The following PYROXD2 variants were observed in gnomAD, a reference collection of about 807,000 sequenced individuals.
The protein encoded by PYROXD2 is pyridine nucleotide-disulfide oxidoreductase domain-containing protein 2.
Under a neutral mutation model 71.1 loss-of-function variants are expected in PYROXD2, and 69 were observed. The observed-to-expected ratio is 0.97, with a 90% confidence interval of 0.80 to 1.19. The LOEUF (loss-of-function observed/expected upper bound fraction) is 1.19, where lower values mean the gene tolerates loss of function less well. PYROXD2 is among the 50% of genes most tolerant of loss of function. The pLI, the probability that PYROXD2 is intolerant of heterozygous loss-of-function variation, is 0.00. For synonymous variants in PYROXD2, 287 were observed against 302.7 expected, an observed-to-expected ratio of 0.95 and a Z score of 0.54; for missense variants, 745 against 748.9, an observed-to-expected ratio of 0.99 and a Z score of 0.06.
intron 14 of PYROXD2, among the ~76,000 whole-genome samples, chr10:98,386,877 G>A (rs2296440): frequency 0.064 from 9,695 of 152,194 alleles, 762 homozygotes; most frequent in African/African-American, 0.18. Context: ...GTCTGAGGAT[G>A]TGCTGCTGCC....
intron 6 of PYROXD2, among the ~76,000 whole-genome samples, chr10:98,395,959 C>T (rs1590951095): frequency 6.6e-6 from 1 of 152,342 alleles, no homozygotes; most frequent in South Asian, 2.1e-4. Context: ...TCTAGCCTTA[C>T]AGCCCCTGGG....
chr10:98,402,805 C>A (rs1374058865), intron 4 of PYROXD2, among the ~76,000 whole-genome samples: 2 of 152,186 alleles, frequency 1.3e-5, no homozygotes, highest in Non-Finnish European at 2.9e-5. Flanking sequence ...TTAGTGTTTT[C>A]ATTGTCTCCC....
rs2296441 is a variant in PYROXD2, at chr10:98,385,025, C to T, written c.1597G>A (p.Ala533Thr). The change falls in exon 15 of 16, where the codon GCC becomes ACC. Residue 533 changes from alanine to threonine, a missense_variant. By Grantham distance (58) the Ala-to-Thr change is moderately conservative. Transcript: ENST00000370575. ...CCAGAATGCAGGGGCACGGGGCGGG[C>T]GAAGTAGAGCTGGTCCAGGGACATG... ...CAMSLDQLYF[A>T]RPVPLHSGYR... 0.33 allele frequency: 524,544 copies of T among 1,613,086 alleles called. 89,731 individuals carry two copies. The highest frequency in any genetic ancestry group is 0.53 in the South Asian group (48,056 of 90,966).
chr10:98,389,933 C>T (rs1842891227), intron 12 of PYROXD2, among the ~76,000 whole-genome samples: 1 of 152,184 alleles, frequency 6.6e-6, no homozygotes, highest in African/African-American at 2.4e-5. Context: ...TTGCCCTATA[C>T]CCTTCTTTCC....
rs1376910894 is a variant in PYROXD2 at position 98,390,610 on chromosome 10, A to T, written c.1280T>A (p.Leu427Gln). 7.5e-6 allele frequency: 12 copies of T among 1,595,226 alleles called. 2 individuals are homozygous for T. In the South Asian group the frequency reaches 1.4e-4, roughly 18 times the overall value. Residue 427 changes from leucine to glutamine, a missense_variant, in exon 12 of 16, where the codon CTG (leucine) becomes CAG (glutamine). Leu to Gln is a moderately radical substitution (Grantham distance 113). Transcript: ENST00000370575. ...CCAGGGCCCCTACCTGTGGGAAGGC[A>T]GGCCATCCATGGCATCTTCAAAGGC... ...HQAFEDAMDG[L>Q]PSHRPVIELC...
At position 98,393,028 on chromosome 10, in the gene PYROXD2, C is replaced by T; in HGVS notation, c.841G>A (p.Gly281Ser). ...GCACCCATGCCCCCCTGGACGTAGC[C>T]CCAGGCCCCCTGCATTCCCTCCAGG... ...GGLEGMQGAWGYVQGGMGALS... is the reference protein window; with the variant it reads ...GGLEGMQGAWSYVQGGMGALS... The change falls in exon 9 of 16, where the codon GGC becomes AGC. Residue 281 changes from glycine to serine, a missense_variant. By Grantham distance (56) the Gly-to-Ser change is moderately conservative (BLOSUM62 0). Transcript: ENST00000370575. 5 of 1,608,212 alleles carry T rather than the reference C, an allele frequency of 3.1e-6. No individual in the cohort carries two copies. The highest frequency in any genetic ancestry group is 4.2e-6 in the Non-Finnish European group (5 of 1,176,494).
At chr10:98,385,410 G>A (rs954302428) in intron 14 of PYROXD2, among the ~76,000 whole-genome samples, 1 of 152,228 alleles carries the variant, frequency 6.6e-6, no homozygotes, top group Non-Finnish European at 1.5e-5. Flanking sequence ...GCGTCTCTGC[G>A]AGAACTCCCT....
In PYROXD2 at chr10:98,397,372, A is replaced by T. The variant is rs1245128138; in HGVS notation, c.598T>A (p.Ser200Thr). The change falls in exon 6 of 16, where the codon TCC (serine) becomes ACC (threonine). Residue 200 changes from serine (S) to threonine (T), a missense_variant. By Grantham distance (58) the Ser-to-Thr change is moderately conservative. Transcript: ENST00000370575. ...GCCTTCAGCAGGGGCTTGAGGGTGG[A>T]GAGCGACCTCATCCTTTGCAGCAAG... ...GSLLQRMRSL[S>T]TLKPLLKAGR... The T allele has an allele frequency of 1.2e-6, 2 of 1,609,664 alleles. No homozygotes were observed. The highest frequency in any genetic ancestry group is 2.7e-5 in the African/African-American group (2 of 74,988).
Position 98,407,663 on chromosome 10 carries a change from C to T in PYROXD2, c.242-8G>A, listed in dbSNP as rs201079830. On this transcript the variant is annotated splice_region_variant and splice_polypyrimidine_tract_variant and intron_variant, in intron 3 of 15. Coordinates refer to ENST00000370575, the MANE Select transcript of PYROXD2 (RefSeq NM_032709.3). ...CGCGGGAGAACTTAAACCCTGAAAC[C>T]GAATCCGATGAAGACTGTCACCAGG... The T allele has an allele frequency of 3.6e-5, 58 of 1,613,562 alleles. 3 individuals carry two copies. The highest frequency in any genetic ancestry group is 4.6e-5 in the Non-Finnish European group (54 of 1,179,950).
At chr10:98,387,663 C>G (rs1292405149) in intron 13 of PYROXD2, among the ~76,000 whole-genome samples, 1 of 138,780 alleles carries the variant, frequency 7.2e-6, no homozygotes, top group Non-Finnish European at 1.5e-5. Context: ...GACGGAGTCT[C>G]ACTCTGTCAC....
chr10:98,387,409 C>A (rs886190639), intron 13 of PYROXD2, 102 bp from the exon 14 acceptor site: 16 of 732,648 alleles, frequency 2.2e-5, no homozygotes, highest in Admixed American at 1.6e-4. Flanking sequence ...AAATTACACA[C>A]AGAAATGGGC....
intron 2 of PYROXD2, chr10:98,410,563 G>C (rs1384604454): frequency 3.7e-6 from 1 of 268,220 alleles, no homozygotes; most frequent in East Asian, 8.4e-5. Context: ...CTATGATCTG[G>C]AGTCAAGGGC....
intron 1 of PYROXD2, among the ~76,000 whole-genome samples, chr10:98,413,607 G>A (rs907207961): frequency 3.9e-5 from 6 of 152,194 alleles, no homozygotes; most frequent in East Asian, 3.9e-4. Flanking sequence ...CCAGCTACTC[G>A]GGAGGCTGAG....
At chr10:98,394,376 G>A (rs944941307) in intron 8 of PYROXD2, among the ~76,000 whole-genome samples, 6 of 152,160 alleles carry the variant, frequency 3.9e-5, no homozygotes, top group Admixed American at 2.0e-4. Context: ...CATCTCCATC[G>A]CCCTGGGGGA....
At chr10:98,397,558 C>G in intron 5 of PYROXD2, 60 bp from the exon 6 acceptor site, 1 of 1,477,326 alleles carries the variant, frequency 6.8e-7, no homozygotes, top group Admixed American at 2.2e-5. Flanking sequence ...CATGCTGTCC[C>G]CAGATGGCCT....
In PYROXD2 at chr10:98,410,954, G is replaced by A; in HGVS notation, c.132C>T (p.His44=). 1 of 1,564,020 alleles carries A rather than the reference G, an allele frequency of 6.4e-7. No homozygotes were observed. The highest frequency in any genetic ancestry group is 8.7e-7 in the Non-Finnish European group (1 of 1,153,370). The change falls in exon 2 of 16, where the codon CAC becomes CAT. Residue 44 remains histidine (H), a synonymous_variant. Transcript: ENST00000370575. ...EYDAVVIGAG[H]NGLVAAAYLQ... ...AGGTACTCACAGCCACCAGTCCGTT[G>A]TGTCCTGCAACAAAACGGGACAGGG...
chr10:98,414,979 G>C, intron 1 of PYROXD2, 30 bp downstream of exon 1: 1 of 1,608,166 alleles, frequency 6.2e-7, no homozygotes, highest in Non-Finnish European at 8.5e-7. Flanking sequence ...CCGCCCCTCA[G>C]CTCTGGCCCG....
intron 4 of PYROXD2, among the ~76,000 whole-genome samples, chr10:98,401,571 C>T (rs1843412304): frequency 6.6e-6 from 1 of 151,030 alleles, no homozygotes; most frequent in Admixed American, 6.6e-5. Flanking sequence ...CTTAAAAAGA[C>T]ACTTGGCTTA....
chr10:98,407,544 C>T (rs1477165172), intron 4 of PYROXD2, 38 bp downstream of exon 4: 3 of 1,610,372 alleles, frequency 1.9e-6, no homozygotes, highest in Admixed American at 1.7e-5. Context: ...GGAACTGCCT[C>T]CTCCCTCCGT....
Sources: allele counts gnomAD v4.1 joint callset (sites outside exome capture counted in the v4.1 genomes callset), GRCh38; gene constraint gnomAD v4.1.1; transcripts MANE v1.5; gene names NCBI Gene and HGNC (gene_info 2026-07-23, HGNC 2026-07-21).